Variants in MINPP1 observed in about 807,000 individuals in gnomAD.
The protein encoded by MINPP1 is multiple inositol-polyphosphate phosphatase 1.
MINPP1 carries 28 observed loss-of-function variants against 46.1 expected under a neutral mutation model. That is an observed-to-expected ratio of 0.61 (90% CI 0.45 to 0.83). The LOEUF (loss-of-function observed/expected upper bound fraction) is 0.83. MINPP1 is among the 40% of genes least tolerant of loss of function. MINPP1 has a pLI of 0.00. For synonymous variants in MINPP1, 268 were observed against 249.1 expected, an observed-to-expected ratio of 1.08 and a Z score of -0.72; for missense variants, 603 against 610.0, an observed-to-expected ratio of 0.99 and a Z score of 0.12.
intron 4 of MINPP1, among the ~76,000 whole-genome samples, chr10:87,530,402 C>T (rs868513906): frequency 9.2e-5 from 14 of 152,152 alleles, no homozygotes; most frequent in Non-Finnish European, 1.8e-4. Context: ...GTGTGGATGT[C>T]CTTTCTGTTT....
rs370066493 is a variant in MINPP1 at position 87,552,266 on chromosome 10, G to A, written c.1252G>A (p.Val418Met). 1 of 1,613,800 alleles carries A rather than the reference G, an allele frequency of 6.2e-7. No individual in the cohort carries two copies. Among genetic ancestry groups the A allele is most frequent in the Non-Finnish European group, 8.5e-7 (1 of 1,179,808 alleles). Reference protein sequence around the residue: ...IVPYASNLIFVLYHCENAKTP... With the variant: ...IVPYASNLIFMLYHCENAKTP... ...ACCTTATGCCTCGAACCTGATATTT[G>A]TGCTTTACCACTGTGAAAATGCTAA... The change falls in exon 5 of 5, where the codon GTG becomes ATG. Residue 418 changes from valine (V) to methionine (M), a missense_variant. Physicochemically the swap from Val to Met is conservative, Grantham distance 21. This residue lies in a region of MINPP1 where 344 missense variants were observed against 381.1 expected (regional missense o/e 0.90). Transcript: ENST00000371996.
At chr10:87,548,910 C>G (rs925638174) in intron 4 of MINPP1, among the ~76,000 whole-genome samples, 2 of 152,100 alleles carry the variant, frequency 1.3e-5, no homozygotes. Context: ...AAAAAGTTAG[C>G]ACTTTTCCTT....
chr10:87,536,613 A>G (rs1851739405), intron 4 of MINPP1, among the ~76,000 whole-genome samples: 1 of 152,130 alleles, frequency 6.6e-6, no homozygotes, highest in Non-Finnish European at 1.5e-5. Flanking sequence ...GTCACTATAC[A>G]TTAAGTTGTA....
chr10:87,539,394 A>G (rs768918087), intron 4 of MINPP1, among the ~76,000 whole-genome samples: 6 of 152,340 alleles, frequency 3.9e-5, no homozygotes, highest in Middle Eastern at 3.4e-3. Context: ...TTCTGCCAAG[A>G]GTCTCAAAGA....
chr10:87,516,517 G>A lies in MINPP1; in HGVS notation c.933+3296G>A, dbSNP rs80219824. Among the ~76,000 whole-genome samples the A allele has an allele frequency of 2.7e-3, 286 of 104,978 alleles. 68 individuals are homozygous for A. Among genetic ancestry groups the A allele is most frequent in the African/African-American group, 7.6e-3 (266 of 35,048 alleles). The allele number at this position is 104,978 out of a possible 152,430, so 68.9% of individuals were successfully genotyped here. A position where few individuals can be genotyped will look rare whatever the true frequency, so the allele number is the denominator to read the frequency against. ...GTAAGTCAAGGAGCGCACTGAAAGT[G>A]TATTGCTTTTGAACCATTGTAAAGT... On this transcript the variant is annotated intron_variant, in intron 3 of 4. Transcript: ENST00000371996.
At chr10:87,545,614 T>G (rs1214347616) in intron 4 of MINPP1, among the ~76,000 whole-genome samples, 2 of 152,194 alleles carry the variant, frequency 1.3e-5, no homozygotes, top group Admixed American at 1.3e-4. Flanking sequence ...TAATCCAGTG[T>G]CTTAGAAATG....
At chr10:87,530,011 G>T (rs1851634631) in intron 4 of MINPP1, among the ~76,000 whole-genome samples, 1 of 152,106 alleles carries the variant, frequency 6.6e-6, no homozygotes, top group South Asian at 2.1e-4. Context: ...ACTGAAGCTT[G>T]TGCATGCATC....
At chr10:87,533,939 T>C (rs1851695302) in intron 4 of MINPP1, among the ~76,000 whole-genome samples, 1 of 152,154 alleles carries the variant, frequency 6.6e-6, no homozygotes, top group Admixed American at 6.5e-5. Context: ...CTAGGTGTTT[T>C]TGCCAACTTT....
chr10:87,542,581 T>C (rs1478777480), intron 4 of MINPP1, among the ~76,000 whole-genome samples: 1 of 152,176 alleles, frequency 6.6e-6, no homozygotes, highest in East Asian at 1.9e-4. Context: ...ATTACAGGTG[T>C]GACCCACTCT....
chr10:87,525,244 T>C (rs1851559445), intron 4 of MINPP1, among the ~76,000 whole-genome samples: 2 of 152,216 alleles, frequency 1.3e-5, no homozygotes, highest in Non-Finnish European at 2.9e-5. Flanking sequence ...TTTCATCGCC[T>C]CAAAAAGAAA....
intron 4 of MINPP1, among the ~76,000 whole-genome samples, chr10:87,537,821 G>A (rs1408679289): frequency 6.6e-6 from 1 of 151,580 alleles, no homozygotes; most frequent in Non-Finnish European, 1.5e-5. Flanking sequence ...CCAGGCCAGA[G>A]AACAGTGGTG....
intron 2 of MINPP1, among the ~76,000 whole-genome samples, chr10:87,509,930 A>G (rs994282094): frequency 6.6e-6 from 1 of 152,210 alleles, no homozygotes; most frequent in Admixed American, 6.5e-5. Flanking sequence ...TAGTCTCTGA[A>G]TGGGCAAGAA....
chr10:87,505,277 G>C lies in MINPP1; in HGVS notation c.362G>C (p.Ser121Thr). Reference sequence around the variant, plus strand: ...GGGTCCAGGGATGGCGGGGCTAGTAGTACCGGCAGCCGCGACCTGGGTGCA... The same window carrying C: ...GGGTCCAGGGATGGCGGGGCTAGTACTACCGGCAGCCGCGACCTGGGTGCA... ...ARGSRDGGAS[S>T]TGSRDLGAAL... is the part of the protein sequence containing the mutation. Residue 121 changes from serine to threonine, a missense_variant, in exon 1 of 5, where the codon AGT becomes ACT. Ser to Thr is a moderately conservative substitution (Grantham distance 58). Coordinates refer to ENST00000371996, the MANE Select transcript of MINPP1 (RefSeq NM_004897.5). The surrounding 1 kb of genome is among the most constrained non-coding windows in gnomAD (Gnocchi z 4.4). The C allele has an allele frequency of 6.2e-7, 1 of 1,610,972 alleles. No homozygotes were observed. Among genetic ancestry groups the C allele is most frequent in the South Asian group, 1.1e-5 (1 of 91,010 alleles).
At position 87,505,276 on chromosome 10, in the gene MINPP1, A is replaced by G. The variant is rs1055748175; in HGVS notation, c.361A>G (p.Ser121Gly). The G allele has an allele frequency of 3.3e-5, 53 of 1,610,756 alleles. No homozygotes were observed. The highest frequency in any genetic ancestry group is 1.6e-4 in the Middle Eastern group (1 of 6,070). The change falls in exon 1 of 5, where the codon AGT becomes GGT. Residue 121 changes from serine to glycine, a missense_variant. By Grantham distance (56) the Ser-to-Gly change is moderately conservative. Transcript: ENST00000371996. The surrounding 1 kb of genome is among the most constrained non-coding windows in gnomAD (Gnocchi z 4.4). ...ARGSRDGGAS[S>G]TGSRDLGAAL... ...CGGGTCCAGGGATGGCGGGGCTAGT[A>G]GTACCGGCAGCCGCGACCTGGGTGC...
At position 87,523,516 on chromosome 10, in the gene MINPP1, A is replaced by G. The variant is rs1472100150; in HGVS notation, c.1067+2347A>G. 7.2e-4 allele frequency among the ~76,000 whole-genome samples: 7 copies of G among 9,760 alleles called. No homozygotes were observed. The Admixed American group carries it at 7.6e-3, about 11-fold the overall frequency. The allele number at this position is 9,760 out of a possible 152,430, so 6.4% of individuals were successfully genotyped here. Reference sequence around the variant, plus strand: ...CAGGCACCTGCCACCACACCCAGCTAATTTTTTTTTTTTTTTGTATTTTTA... The same window carrying G: ...CAGGCACCTGCCACCACACCCAGCTGATTTTTTTTTTTTTTTGTATTTTTA... On this transcript the variant is annotated intron_variant, in intron 4 of 4. Transcript: ENST00000371996.
chr10:87,528,653 T>G (rs1327928810), intron 4 of MINPP1, among the ~76,000 whole-genome samples: 2 of 152,192 alleles, frequency 1.3e-5, no homozygotes, highest in Non-Finnish European at 1.5e-5. Context: ...TTGGAATAAG[T>G]GTGATGTGGT....
At position 87,505,332 on chromosome 10, in the gene MINPP1, G is replaced by A; in HGVS notation, c.417G>A (p.Ala139=). The change falls in exon 1 of 5, where the codon GCG becomes GCA. Residue 139 remains alanine (A), a synonymous_variant. Coordinates refer to ENST00000371996, the MANE Select transcript of MINPP1 (RefSeq NM_004897.5). The surrounding 1 kb of genome is among the most constrained non-coding windows in gnomAD (Gnocchi z 4.4). The part of the protein sequence containing the change: ...AALADWPLWY[A]DWMDGQLVEK... ...TGGCCGACTGGCCTTTGTGGTACGC[G>A]GACTGGATGGACGGGCAGCTAGTAG... The A allele has an allele frequency of 6.2e-7, 1 of 1,613,680 alleles. No individual in the cohort carries two copies.
intron 4 of MINPP1, among the ~76,000 whole-genome samples, chr10:87,522,348 AT>A (rs1039026393): frequency 2.6e-4 from 40 of 152,240 alleles, no homozygotes; most frequent in African/African-American, 8.7e-4. Context: ...AAATAATTGA[AT>A]TTTTTTAATT....
intron 2 of MINPP1, among the ~76,000 whole-genome samples, chr10:87,508,865 A>G (rs1001519527): frequency 2.0e-5 from 3 of 150,024 alleles, no homozygotes; most frequent in African/African-American, 7.5e-5. Flanking sequence ...ATAAAGTGAT[A>G]CAAATGGAAA....
Sources: allele counts gnomAD v4.1 joint callset (sites outside exome capture counted in the v4.1 genomes callset), GRCh38; gene constraint gnomAD v4.1.1; regional missense constraint gnomAD v4.1.1; non-coding constraint Gnocchi (gnomAD v3.1); transcripts MANE v1.5; gene names NCBI Gene and HGNC (gene_info 2026-07-23, HGNC 2026-07-21).